The following CAPN10 variants were observed in gnomAD, a reference collection of about 807,000 sequenced individuals.
CAPN10 encodes the protein calpain-10.
In CAPN10, 71 loss-of-function variants were observed where a neutral mutation model predicts 78.4. The observed-to-expected ratio is 0.91, with a 90% CI of 0.75 to 1.10. CAPN10 has a LOEUF of 1.10. CAPN10 is among the 50% of genes least tolerant of loss of function. The pLI is 0.00. For missense variants in CAPN10, 849 were observed against 924.6 expected (o/e 0.92, Z 1.06); for synonymous variants, 437 against 407.2 (o/e 1.07, Z -0.88).
At position 240,593,450 on chromosome 2, in the gene CAPN10, C is replaced by T. The variant is rs181884018; in HGVS notation, c.689-456C>T. 1.1e-3 allele frequency among the ~76,000 whole-genome samples: 167 copies of T among 152,370 alleles called. 1 individual carries two copies. Among genetic ancestry groups the T allele is most frequent in the African/African-American group, 3.7e-3 (155 of 41,586 alleles). On this transcript the variant is annotated intron_variant, in intron 4 of 11. Coordinates refer to ENST00000391984, the MANE Select transcript of CAPN10 (RefSeq NM_023083.4). ...CTGGCCAGGTGGAGCTGTTGCCCCCCTGGGCCTCCATGCCTCCAGTGGGCT... is the reference window on the plus strand; with the variant it reads ...CTGGCCAGGTGGAGCTGTTGCCCCCTTGGGCCTCCATGCCTCCAGTGGGCT...
chr2:240,595,522 G>T, intron 7 of CAPN10: 1 of 612,568 alleles, frequency 1.6e-6, no homozygotes, highest in Admixed American at 3.0e-5. Flanking sequence ...CTTGCCGTGT[G>T]CCTCATTGGC....
chr2:240,593,222 G>A (rs775114098), intron 4 of CAPN10, among the ~76,000 whole-genome samples: 2 of 152,250 alleles, frequency 1.3e-5, no homozygotes, highest in Non-Finnish European at 2.9e-5. Flanking sequence ...TCAGGCTTTA[G>A]AGGAAGCCCC....
At chr2:240,594,082 G>C (rs766486217) in intron 5 of CAPN10, 35 bp downstream of exon 5, 26 of 1,540,274 alleles carry the variant, frequency 1.7e-5, no homozygotes, top group Non-Finnish European at 2.0e-5. Context: ...CTGCTGTCGG[G>C]AGGGGGGCCC....
rs768242411 is a variant in CAPN10 at position 240,589,462 on chromosome 2, C to T, written c.261C>T (p.His87=). Reference sequence around the variant, plus strand: ...GCGCCGCGCTGCAGAAGAGCAGGCACCTCCTGGACCAGGTGCGGGGCCCCT... The same window carrying T: ...GCGCCGCGCTGCAGAAGAGCAGGCATCTCCTGGACCAGGTGCGGGGCCCCT... ...CACAALQKSR[H]LLDQVIPPGQ... The change falls in exon 2 of 12, where the codon CAC becomes CAT. Residue 87 remains histidine (H), a synonymous_variant. Coordinates refer to ENST00000391984, the MANE Select transcript of CAPN10 (RefSeq NM_023083.4). 6 of 1,612,626 alleles carry T rather than the reference C, an allele frequency of 3.7e-6. No individual in the cohort carries two copies. Among genetic ancestry groups the T allele is most frequent in the African/African-American group, 2.7e-5 (2 of 74,894 alleles).
intron 1 of CAPN10, among the ~76,000 whole-genome samples, chr2:240,587,519 A>G (rs1187452213): frequency 6.6e-6 from 1 of 152,258 alleles, no homozygotes; most frequent in African/African-American, 2.4e-5. Flanking sequence ...ACACCTAGAA[A>G]TGGCACCTCC....
chr2:240,593,030 C>T (rs2093112618), intron 4 of CAPN10, among the ~76,000 whole-genome samples: 1 of 152,204 alleles, frequency 6.6e-6, no homozygotes, highest in Non-Finnish European at 1.5e-5. Context: ...TTCAGGAGCA[C>T]GTTGAGAGGT....
At chr2:240,597,745 C>G (rs779916229) in intron 9 of CAPN10, 143 bp from the exon 10 acceptor site, 121 of 760,510 alleles carry the variant, frequency 1.6e-4, no homozygotes, top group Non-Finnish European at 2.4e-4. Flanking sequence ...GGAGGCGAGT[C>G]CAGTGTCCAG....
At chr2:240,592,210 C>T in intron 4 of CAPN10, 60 bp downstream of exon 4, 1 of 1,397,512 alleles carries the variant, frequency 7.2e-7, no homozygotes, top group Admixed American at 2.0e-5. Context: ...TGCCAGGCCT[C>T]AGGCACACTG....
intron 3 of CAPN10, chr2:240,591,364 C>A: frequency 3.8e-6 from 1 of 262,458 alleles, no homozygotes; most frequent in Non-Finnish European, 7.3e-6. Context: ...ATTGTGTAGT[C>A]GTTGGGGAGG....
chr2:240,594,947 G>A (rs1434088089), intron 6 of CAPN10, 77 bp from the exon 7 acceptor site: 4 of 1,498,060 alleles, frequency 2.7e-6, no homozygotes, highest in Non-Finnish European at 3.7e-6. Flanking sequence ...GACCCTGCCA[G>A]GGTTCATGAG....
chr2:240,594,775 G>C, intron 6 of CAPN10, 66 bp downstream of exon 6: 1 of 1,336,416 alleles, frequency 7.5e-7, no homozygotes. Flanking sequence ...CTGGGCAGGT[G>C]CCTGGGTTCC....
rs1203675811 is a variant in CAPN10 at position 240,594,744 on chromosome 2, C to G, written c.997+35C>G. The G allele has an allele frequency of 3.1e-6, 5 of 1,593,076 alleles. No homozygotes were observed. In the Admixed American group the frequency reaches 5.1e-5, roughly 16 times the overall value. The stretch of plus-strand genomic sequence containing the variant: ...CGAGGGGCTGTGCTGGGCACGTGCT[C>G]TGCCTGCCGAAGTGAGGAGGCTGGG... On this transcript the variant is annotated intron_variant, in intron 6 of 11. Coordinates refer to ENST00000391984, the MANE Select transcript of CAPN10 (RefSeq NM_023083.4).
At chr2:240,588,805 G>A (rs2093083644) in intron 1 of CAPN10, among the ~76,000 whole-genome samples, 1 of 152,144 alleles carries the variant, frequency 6.6e-6, no homozygotes, top group Non-Finnish European at 1.5e-5. Context: ...ATTCTGCCCG[G>A]GGAGCTGGAA....
At position 240,590,858 on chromosome 2, in the gene CAPN10, G is replaced by T. The variant is rs771900528; in HGVS notation, c.317G>T (p.Arg106Leu). ...GQPSWADQEY[R>L]GSFTCRIWQF... is the part of the protein sequence containing the mutation. ...CCGAGCTGGGCCGACCAGGAGTACC[G>T]GGGCTCCTTCACCTGTCGCATTTGG... The change falls in exon 3 of 12, where the codon CGG (arginine) becomes CTG (leucine). Residue 106 changes from arginine (R) to leucine (L), a missense_variant. Transcript: ENST00000391984. 1 of 1,614,242 alleles carries T rather than the reference G, an allele frequency of 6.2e-7. No homozygotes were observed. The highest frequency in any genetic ancestry group is 8.5e-7 in the Non-Finnish European group (1 of 1,180,046).
rs576036522 is a variant in CAPN10 at position 240,597,015 on chromosome 2, G to C, written c.1743+73G>C. The C allele has an allele frequency of 1.2e-4, 190 of 1,581,592 alleles. No individual in the cohort carries two copies. In the South Asian group the frequency reaches 1.6e-3, roughly 13 times the overall value. On this transcript the variant is annotated intron_variant, in intron 9 of 11. Transcript: ENST00000391984. ...GAGAATTTGCATCTTGGCCTCCATTGTCCCAACAGAGGGCTCTGGGCTCAG... is the reference window on the plus strand; with the variant it reads ...GAGAATTTGCATCTTGGCCTCCATTCTCCCAACAGAGGGCTCTGGGCTCAG...
chr2:240,594,427 T>G (rs1575449613), intron 5 of CAPN10, 116 bp from the exon 6 acceptor site: 1 of 1,023,002 alleles, frequency 9.8e-7, no homozygotes. Context: ...GGGCACGGGG[T>G]TGCTGGCAGG....
At chr2:240,597,294 C>T (rs2093143154) in intron 9 of CAPN10, among the ~76,000 whole-genome samples, 1 of 152,188 alleles carries the variant, frequency 6.6e-6, no homozygotes, top group Non-Finnish European at 1.5e-5. Flanking sequence ...CTTGGGAACG[C>T]AGGGGGCTGA....
chr2:240,590,726 G>A (rs2093096216), intron 2 of CAPN10, 89 bp from the exon 3 acceptor site: 2 of 1,246,188 alleles, frequency 1.6e-6, no homozygotes, highest in East Asian at 2.4e-5. Context: ...GGAGCACTCA[G>A]CTGTGGCCAC....
intron 8 of CAPN10, 45 bp from the exon 9 acceptor site, chr2:240,596,636 C>T (rs2953171): frequency 0.18 from 269,255 of 1,528,980 alleles, 24,785 homozygotes; most frequent in East Asian, 0.31. Context: ...CTGAGGCCAC[C>T]GGGAACCTGC....
Sources: gnomAD v4.1 joint callset for allele counts (sites outside exome capture counted in the v4.1 genomes callset) on GRCh38, gnomAD v4.1.1 for gene constraint, MANE v1.5 for transcripts, NCBI Gene and HGNC (gene_info 2026-07-23, HGNC 2026-07-21) for gene names.